Variants in DOCK4 observed in about 807,000 individuals in gnomAD.
DOCK4 encodes the protein dedicator of cytokinesis protein 4.
A neutral mutation model predicts 268.1 loss-of-function variants in DOCK4; 97 were observed. The observed-to-expected ratio is 0.36, with a 90% CI of 0.31 to 0.43. The LOEUF (loss-of-function observed/expected upper bound fraction) is 0.43. Among genes scored for constraint, DOCK4 ranks in the 20% least tolerant of loss-of-function variants. The probability of loss-of-function intolerance (pLI) is 1.00; values close to 1 mark genes in which losing one functional copy is unlikely to be tolerated. For synonymous variants in DOCK4, 954 were observed against 887.2 expected (o/e 1.08, Z -1.34); for missense variants, 2,145 against 2,455.7 (o/e 0.87, Z 2.67).
chr7:111,947,772 A>G (rs1486606109), intron 8 of DOCK4, among the ~76,000 whole-genome samples: 1 of 152,098 alleles, frequency 6.6e-6, no homozygotes, highest in Non-Finnish European at 1.5e-5. Flanking sequence ...CACCCAGGCT[A>G]GAGTACAGTG....
chr7:111,998,864 G>T (rs1245673587), intron 3 of DOCK4, among the ~76,000 whole-genome samples: 1 of 142,778 alleles, frequency 7.0e-6, no homozygotes, highest in Non-Finnish European at 1.5e-5. Flanking sequence ...AGTTTTGAAA[G>T]GTTCTTCGTT....
At chr7:111,780,976 G>A (rs1798753182) in intron 35 of DOCK4, among the ~76,000 whole-genome samples, 1 of 152,196 alleles carries the variant, frequency 6.6e-6, no homozygotes, top group African/African-American at 2.4e-5. Context: ...CAAGTGGTTA[G>A]TAATGGGGCT....
chr7:112,122,140 T>C (rs1367651097), intron 1 of DOCK4, among the ~76,000 whole-genome samples: 1 of 152,222 alleles, frequency 6.6e-6, no homozygotes, highest in Non-Finnish European at 1.5e-5. Flanking sequence ...ATTTTTAATT[T>C]TGGTGGGTCA....
chr7:112,161,020 C>G (rs1817068585), intron 1 of DOCK4, among the ~76,000 whole-genome samples: 1 of 152,172 alleles, frequency 6.6e-6, no homozygotes, highest in Admixed American at 6.5e-5. Flanking sequence ...CTTAACAACT[C>G]AAGTGAGTCA....
chr7:111,827,545 C>T lies in DOCK4; in HGVS notation c.2836-5089G>A, dbSNP rs147742009. Among the ~76,000 whole-genome samples, 5 of 152,026 alleles carry T rather than the reference C, an allele frequency of 3.3e-5. 1 individual carries two copies. The highest frequency in any genetic ancestry group is 4.2e-4 in the South Asian group (2 of 4,818). On this transcript the variant is annotated intron_variant, in intron 26 of 52. Transcript: ENST00000428084. Reference sequence around the variant, plus strand: ...GGACTGTATCCTGGGAAGGCTTCATCGAGAAGCTGATACCTGAGTGGGTTT... The same window carrying T: ...GGACTGTATCCTGGGAAGGCTTCATTGAGAAGCTGATACCTGAGTGGGTTT...
chr7:111,972,252 T>A (rs1450054008), intron 8 of DOCK4, among the ~76,000 whole-genome samples: 1 of 152,164 alleles, frequency 6.6e-6, no homozygotes, highest in East Asian at 1.9e-4. Flanking sequence ...TAGGCAGTGA[T>A]TCTGATGCGA....
At chr7:112,050,840 A>G (rs1479059674) in intron 1 of DOCK4, among the ~76,000 whole-genome samples, 28 of 152,182 alleles carry the variant, frequency 1.8e-4, no homozygotes, top group Non-Finnish European at 3.4e-4. Context: ...ATTGCCAAGT[A>G]TTACTAAAAT....
chr7:112,200,739 C>CCA (rs1820858607), intron 1 of DOCK4, among the ~76,000 whole-genome samples: 1 of 129,048 alleles, frequency 7.7e-6, no homozygotes, highest in Admixed American at 8.4e-5. Context: ...AAAAAAAAAA[C>CCA]AAAAAAAAAC....
At position 112,061,087 on chromosome 7, in the gene DOCK4, A is replaced by T. The variant is rs1463976024; in HGVS notation, c.38-56956T>A. Among the ~76,000 whole-genome samples the T allele has an allele frequency of 6.6e-5, 10 of 152,154 alleles. No individual in the cohort carries two copies. In the East Asian group the frequency reaches 1.9e-3, roughly 29 times the overall value. ...TTTTTTTCCCACATGAATATTTGCA[A>T]ATATAAAAGGGAAATGATGGTGTTA... On this transcript the variant is annotated intron_variant, in intron 1 of 52. Transcript: ENST00000428084.
intron 1 of DOCK4, among the ~76,000 whole-genome samples, chr7:112,150,081 A>C (rs1306403769): frequency 2.0e-5 from 3 of 152,182 alleles, no homozygotes; most frequent in Non-Finnish European, 4.4e-5. Context: ...AGGCTTAGAG[A>C]AGTAATGTTC....
At chr7:111,962,983 G>C (rs996746122) in intron 8 of DOCK4, among the ~76,000 whole-genome samples, 1 of 152,182 alleles carries the variant, frequency 6.6e-6, no homozygotes, top group African/African-American at 2.4e-5. Context: ...CCCTATGCCA[G>C]CTGAGTACCA....
chr7:112,156,670 T>C (rs912740850), intron 1 of DOCK4, among the ~76,000 whole-genome samples: 9 of 152,236 alleles, frequency 5.9e-5, no homozygotes, highest in African/African-American at 1.9e-4. Context: ...TCAATAAATA[T>C]TTGATTAATG....
chr7:111,749,958 C>T (rs1472553959), intron 42 of DOCK4, among the ~76,000 whole-genome samples: 2 of 152,178 alleles, frequency 1.3e-5, no homozygotes, highest in African/African-American at 4.8e-5. Flanking sequence ...GATTAATTCA[C>T]TTCTAGGGAA....
At chr7:112,192,992 C>T (rs968719534) in intron 1 of DOCK4, among the ~76,000 whole-genome samples, 2 of 152,108 alleles carry the variant, frequency 1.3e-5, no homozygotes, top group Non-Finnish European at 2.9e-5. Context: ...TCTTCAGGGA[C>T]CTGATATTCA....
Position 111,732,283 on chromosome 7 carries a change from T to C in DOCK4, c.5424A>G (p.Ser1808=), listed in dbSNP as rs1286966729. 1 of 1,613,986 alleles carries C rather than the reference T, an allele frequency of 6.2e-7. No homozygotes were observed. ...PVPPRPTQTA[S]PARHTTSVSP... ...ATACTGATGTCGTGTGTCTTGCTGG[T>C]GAAGCTGTCAATGGGGAGAGAGATA... is the stretch of plus-strand genomic sequence containing the variant. Residue 1808 remains serine (S), a synonymous_variant, in exon 52 of 53, where the codon TCA becomes TCG. Coordinates refer to ENST00000428084, the MANE Select transcript of DOCK4 (RefSeq NM_001363540.2).
chr7:112,105,690 T>C (rs1287327422), intron 1 of DOCK4, among the ~76,000 whole-genome samples: 1 of 150,556 alleles, frequency 6.6e-6, no homozygotes. Flanking sequence ...TCTTCCTTTT[T>C]TTTTTTTTTT....
At chr7:111,798,375 C>CT (rs1800045059) in intron 30 of DOCK4, among the ~76,000 whole-genome samples, 1 of 152,248 alleles carries the variant, frequency 6.6e-6, no homozygotes, top group South Asian at 2.1e-4. Context: ...AGTAAACCTC[C>CT]TTCTAAACAC....
Position 111,809,346 on chromosome 7 carries a change from T to C in DOCK4, c.3062A>G (p.Gln1021Arg). Residue 1021 changes from glutamine (Q) to arginine (R), a missense_variant, in exon 29 of 53, where the codon CAG becomes CGG. This residue lies in a region of DOCK4 where 1,598 missense variants were observed against 1,986.7 expected (regional missense o/e 0.80). Transcript: ENST00000428084. ...CTTGGAAGGTGTGAACATCTCCAAC[T>C]GCAGACACAACTGGTTTATAAAAAT... ...AVIFINQLCL[Q>R]LEMFTPSKKK... 6.4e-7 allele frequency: 1 copy of C among 1,567,512 alleles called. No individual in the cohort carries two copies. The highest frequency in any genetic ancestry group is 1.2e-5 in the South Asian group (1 of 85,138).
chr7:111,853,315 C>T (rs1167528036), intron 23 of DOCK4, among the ~76,000 whole-genome samples: 1 of 152,170 alleles, frequency 6.6e-6, no homozygotes, highest in East Asian at 1.9e-4. Context: ...TGGGCTCTAG[C>T]ATGGGCTGGA....
Sources: allele counts gnomAD v4.1 joint callset (sites outside exome capture counted in the v4.1 genomes callset), GRCh38; gene constraint gnomAD v4.1.1; regional missense constraint gnomAD v4.1.1; transcripts MANE v1.5; gene names NCBI Gene and HGNC (gene_info 2026-07-23, HGNC 2026-07-21).